The following RBFOX1 variants were observed in gnomAD, a reference collection of about 807,000 sequenced individuals.
RBFOX1 encodes RNA binding protein fox-1 homolog 1.
RBFOX1 carries 8 observed loss-of-function variants against 57.7 expected under a neutral mutation model. That is an observed-to-expected ratio of 0.14 (90% CI 0.08 to 0.25). The LOEUF (loss-of-function observed/expected upper bound fraction) is 0.25, where lower values mean the gene tolerates loss of function less well. RBFOX1 is among the 10% of genes least tolerant of loss of function. RBFOX1 has a pLI of 1.00. For synonymous variants in RBFOX1, 326 were observed against 222.4 expected, an observed-to-expected ratio of 1.47 and a Z score of -4.15; for missense variants, 611 against 548.5, an observed-to-expected ratio of 1.11 and a Z score of -1.14.
intron 3 of RBFOX1, among the ~76,000 whole-genome samples, chr16:6,912,624 ATTTT>A (rs33931128): frequency 6.8e-6 from 1 of 146,594 alleles, no homozygotes; most frequent in Non-Finnish European, 1.5e-5. Context: ...TGTTATTACT[ATTTT>A]TTTTTTTTGC....
At chr16:6,534,892 C>T (rs921379707) in intron 2 of RBFOX1, among the ~76,000 whole-genome samples, 15 of 152,142 alleles carry the variant, frequency 9.9e-5, no homozygotes, top group African/African-American at 3.4e-4. Flanking sequence ...TCCAATGAGG[C>T]ATATCCTAGT....
intron 4 of RBFOX1, among the ~76,000 whole-genome samples, chr16:7,164,795 C>A (rs1346835212): frequency 6.6e-6 from 1 of 152,080 alleles, no homozygotes; most frequent in Non-Finnish European, 1.5e-5. Flanking sequence ...CTAAGTTGTT[C>A]TCAACCTTTT....
intron 2 of RBFOX1, among the ~76,000 whole-genome samples, chr16:5,578,015 G>C (rs2046527198): frequency 6.6e-6 from 1 of 152,158 alleles, no homozygotes; most frequent in Non-Finnish European, 1.5e-5. Context: ...ACAGTGGTGT[G>C]ATCTTGGCTC....
At chr16:5,855,842 C>T (rs1029863296) in intron 3 of RBFOX1, among the ~76,000 whole-genome samples, 20 of 151,812 alleles carry the variant, frequency 1.3e-4, no homozygotes, top group African/African-American at 4.8e-4. Context: ...TTTATTAATC[C>T]TATCCGTGAA....
rs930157666 is a variant in RBFOX1, at chr16:5,586,967, C to T, written c.259-11935C>T. ...CTGGCTGAATTGTGTTGTCATTGAA[C>T]CTTCCTGTGCTGCCCAGATGCCCTT... On this transcript the variant is annotated intron_variant, in intron 2 of 2. Coordinates refer to the RBFOX1 transcript ENST00000585867. Among the ~76,000 whole-genome samples the T allele has an allele frequency of 3.3e-5, 5 of 152,180 alleles. No homozygotes were observed. In the East Asian group the frequency reaches 7.7e-4, roughly 23 times the overall value.
At chr16:6,385,667 A>C (rs996285138) in intron 2 of RBFOX1, among the ~76,000 whole-genome samples, 1 of 152,214 alleles carries the variant, frequency 6.6e-6, no homozygotes, top group Non-Finnish European at 1.5e-5. Flanking sequence ...AAATGGACAC[A>C]ATAACAAACC....
intron 10 of RBFOX1, among the ~76,000 whole-genome samples, chr16:7,624,311 T>C (rs2059750216): frequency 6.6e-6 from 1 of 152,250 alleles, no homozygotes; most frequent in Non-Finnish European, 1.5e-5. Flanking sequence ...ATAGAGAATT[T>C]TGGCCAAAGC....
At chr16:5,844,748 G>C (rs1017415191) in intron 3 of RBFOX1, among the ~76,000 whole-genome samples, 2 of 152,196 alleles carry the variant, frequency 1.3e-5, no homozygotes, top group Admixed American at 6.5e-5. Context: ...TAAAAAGAGG[G>C]AGAAGATTCC....
At chr16:7,041,884 A>G (rs2046296313) in intron 3 of RBFOX1, among the ~76,000 whole-genome samples, 2 of 151,972 alleles carry the variant, frequency 1.3e-5, no homozygotes, top group South Asian at 4.2e-4. Context: ...TTATGCTCAC[A>G]ATAAAATTAG....
At chr16:7,637,038 A>C (rs1285482283) in intron 11 of RBFOX1, among the ~76,000 whole-genome samples, 1 of 152,188 alleles carries the variant, frequency 6.6e-6, no homozygotes, top group Non-Finnish European at 1.5e-5. Flanking sequence ...TTTAGTCCGT[A>C]GCAAGCCCCT....
At chr16:6,445,626 A>C (rs1216367436) in intron 2 of RBFOX1, among the ~76,000 whole-genome samples, 3 of 140,098 alleles carry the variant, frequency 2.1e-5, no homozygotes, top group African/African-American at 8.1e-5. Context: ...CTCTGTTGCC[A>C]GGATGGCATG....
chr16:6,005,014 C>G (rs766143965), intron 4 of RBFOX1, among the ~76,000 whole-genome samples: 117 of 151,996 alleles, frequency 7.7e-4, no homozygotes, highest in Non-Finnish European at 9.0e-4. Flanking sequence ...CAAAACAAAA[C>G]AAAACTTGGG....
chr16:5,415,725 G>A (rs1048526717), intron 1 of RBFOX1, among the ~76,000 whole-genome samples: 4 of 152,304 alleles, frequency 2.6e-5, no homozygotes, highest in African/African-American at 9.6e-5. Context: ...ATGTGTTTAT[G>A]TAAAAAGGTG....
Position 7,217,635 on chromosome 16 carries a change from G to T in RBFOX1, c.27+165537G>T, listed in dbSNP as rs1252025508. Among the ~76,000 whole-genome samples the T allele has an allele frequency of 1.5e-4, 23 of 150,764 alleles. 1 individual carries two copies. The highest frequency in any genetic ancestry group is 1.5e-3 in the Admixed American group (23 of 15,202). ...TATAATCAATTACTTGGCTTGAAAA[G>T]GAAAAAAAAATGTCAGTGTTTATTT... On this transcript the variant is annotated intron_variant, in intron 4 of 15. Transcript: ENST00000550418.
chr16:6,949,705 C>T (rs1455290234), intron 3 of RBFOX1, among the ~76,000 whole-genome samples: 1 of 152,120 alleles, frequency 6.6e-6, no homozygotes, highest in African/African-American at 2.4e-5. Flanking sequence ...CTAGGTCCTA[C>T]CTCCACATAT....
In RBFOX1 at chr16:6,880,317, A is replaced by G. The variant is rs139669609; in HGVS notation, c.-15-171740A>G. On this transcript the variant is annotated intron_variant, in intron 3 of 15. Transcript: ENST00000550418. ...GGCTGGGTAGACGAGGCAGCCAGAG[A>G]GACAGCCTCTGTTGTTCCTGACCAC... Among the ~76,000 whole-genome samples the G allele has an allele frequency of 4.2e-3, 647 of 152,306 alleles. 4 individuals carry two copies. Among genetic ancestry groups the G allele is most frequent in the African/African-American group, 0.015 (611 of 41,554 alleles).
At chr16:6,010,654 A>G (rs1196475924) in intron 4 of RBFOX1, among the ~76,000 whole-genome samples, 2 of 152,212 alleles carry the variant, frequency 1.3e-5, no homozygotes, top group Non-Finnish European at 2.9e-5. Context: ...ATGGTGTAGA[A>G]GAACCCTATC....
intron 3 of RBFOX1, among the ~76,000 whole-genome samples, chr16:5,732,656 C>A (rs1350249921): frequency 6.6e-6 from 1 of 152,150 alleles, no homozygotes; most frequent in African/African-American, 2.4e-5. Context: ...AAGTAACTAC[C>A]TTCTATGTAG....
intron 3 of RBFOX1, among the ~76,000 whole-genome samples, chr16:5,820,624 G>C (rs954314237): frequency 6.6e-6 from 1 of 152,198 alleles, no homozygotes; most frequent in African/African-American, 2.4e-5. Flanking sequence ...AGCTTGGTGA[G>C]AAGGAACGTT....
Sources: allele counts gnomAD v4.1 joint callset (sites outside exome capture counted in the v4.1 genomes callset), GRCh38; gene constraint gnomAD v4.1.1; transcripts MANE v1.5; gene names NCBI Gene and HGNC (gene_info 2026-07-23, HGNC 2026-07-21).